The following IL12RB1 variants were observed in gnomAD, a reference collection of about 807,000 sequenced individuals.
IL12RB1 encodes the protein interleukin-12 receptor subunit beta-1.
A neutral mutation model predicts 94.4 loss-of-function variants in IL12RB1; 64 were observed. That is an observed-to-expected ratio of 0.68 (90% confidence interval 0.55 to 0.83). IL12RB1 has a LOEUF of 0.83. Among genes scored for constraint, IL12RB1 ranks in the 40% least tolerant of loss-of-function variants. The probability of loss-of-function intolerance (pLI) is 0.00; values close to 1 mark genes in which losing one functional copy is unlikely to be tolerated. For synonymous variants in IL12RB1, 362 were observed against 355.5 expected (o/e 1.02, Z -0.21); for missense variants, 814 against 855.6 (o/e 0.95, Z 0.61).
intron 2 of IL12RB1, 85 bp from the exon 3 acceptor site, chr19:18,082,349 C>T (rs141085654): frequency 8.9e-6 from 7 of 787,540 alleles, no homozygotes; most frequent in Non-Finnish European, 1.6e-5. Flanking sequence ...ATGCTTACAT[C>T]TTTCAGCGTC....
At chr19:18,075,545 G>A (rs1428885791) in intron 7 of IL12RB1, among the ~76,000 whole-genome samples, 1 of 152,080 alleles carries the variant, frequency 6.6e-6, no homozygotes, top group Non-Finnish European at 1.5e-5. Flanking sequence ...ACAGGCATCA[G>A]CCACCACGCC....
Position 18,069,697 on chromosome 19 carries a change from A to T in IL12RB1, c.1038T>A (p.Asn346Lys), listed in dbSNP as rs375939832. The T allele has an allele frequency of 6.2e-7, 1 of 1,611,960 alleles. No homozygotes were observed. The highest frequency in any genetic ancestry group is 8.5e-7 in the Non-Finnish European group (1 of 1,178,624). ...TGGTCCCGTTGGTTCCGACGCTGATATTCAGAGCCACTGGTTCTGGAAGGA... is the reference window on the plus strand; with the variant it reads ...TGGTCCCGTTGGTTCCGACGCTGATTTTCAGAGCCACTGGTTCTGGAAGGA... The part of the protein sequence containing the change: ...ADTHTEPVAL[N>K]ISVGTNGTTM... Residue 346 changes from asparagine to lysine, a missense_variant, in exon 10 of 17, where the codon AAT (asparagine) becomes AAA (lysine). Transcript: ENST00000593993.
chr19:18,071,870 G>A (rs2035076327), intron 9 of IL12RB1, among the ~76,000 whole-genome samples: 1 of 152,124 alleles, frequency 6.6e-6, no homozygotes, highest in Non-Finnish European at 1.5e-5. Context: ...TCACCACGTT[G>A]GCCAGACTGG....
Position 18,075,496 on chromosome 19 carries a change from A to G in IL12RB1, c.700+253T>C, listed in dbSNP as rs2035403303. On this transcript the variant is annotated intron_variant, in intron 7 of 16. Transcript: ENST00000593993. ...GGCTGGTCTCGAACTCCTGACCTCA[A>G]GTGATCTGCCCGCCTCAGCCTCCCA... Among the ~76,000 whole-genome samples, 4 of 152,092 alleles carry G rather than the reference A, an allele frequency of 2.6e-5. No individual in the cohort carries two copies. The Middle Eastern group carries it at 0.01, about 391-fold the overall frequency.
At chr19:18,087,644 G>A (rs1198694327), upstream of IL12RB1, among the ~76,000 whole-genome samples, 1 of 150,792 alleles carries the variant, frequency 6.6e-6, no homozygotes, top group Non-Finnish European at 1.5e-5. Context: ...GCCTCCCCAG[G>A]AACTGGGACT....
intron 13 of IL12RB1, among the ~76,000 whole-genome samples, chr19:18,062,803 G>A (rs911655002): frequency 1.3e-5 from 2 of 151,938 alleles, no homozygotes; most frequent in African/African-American, 2.4e-5. Flanking sequence ...TGTAATTCCA[G>A]GAGCCTGCAC....
At chr19:18,083,137 C>T (rs1188777051) in intron 2 of IL12RB1, 2 of 536,484 alleles carry the variant, frequency 3.7e-6, no homozygotes, top group Non-Finnish European at 6.7e-6. Context: ...GGGGGGGGGG[C>T]TTCAAAATGC....
At chr19:18,087,500 G>A (rs1020676567), upstream of IL12RB1, among the ~76,000 whole-genome samples, 7 of 151,716 alleles carry the variant, frequency 4.6e-5, no homozygotes, top group African/African-American at 1.2e-4. Flanking sequence ...GTGAGCTACC[G>A]TGCCTGGCTG....
At chr19:18,087,329 C>A (rs1416307249), upstream of IL12RB1, among the ~76,000 whole-genome samples, 1 of 151,882 alleles carries the variant, frequency 6.6e-6, no homozygotes, top group Non-Finnish European at 1.5e-5. Flanking sequence ...CCTGCCTCAG[C>A]CTCCCGAGTA....
Position 18,060,060 on chromosome 19 carries a change from T to C in IL12RB1, c.1817A>G (p.Asp606Gly), listed in dbSNP as rs1184052648. 2.5e-6 allele frequency: 4 copies of C among 1,604,402 alleles called. No homozygotes were observed. The highest frequency in any genetic ancestry group is 3.4e-6 in the Non-Finnish European group (4 of 1,172,672). Residue 606 changes from aspartate (D) to glycine (G), a missense_variant, in exon 16 of 17, where the codon GAC (aspartate) becomes GGC (glycine). Transcript: ENST00000593993. ...KETWQWINPVDFQEEASLQEA... is the reference protein window; with the variant it reads ...KETWQWINPVGFQEEASLQEA... The stretch of plus-strand genomic sequence containing the variant: ...CTGCAGGGATGCCTCTTCCTGGAAG[T>C]CCACTGGGTTGATCCACTGCCAAGT...
intron 9 of IL12RB1, among the ~76,000 whole-genome samples, chr19:18,070,210 G>A (rs768302277): frequency 6.6e-6 from 1 of 152,208 alleles, no homozygotes; most frequent in Non-Finnish European, 1.5e-5. Flanking sequence ...ATAATCCGCC[G>A]CATCCAGTCA....
rs573381875 is a variant in IL12RB1 at position 18,075,624 on chromosome 19, T to C, written c.700+125A>G. On this transcript the variant is annotated intron_variant, in intron 7 of 16. Transcript: ENST00000593993. ...GTTGCCCGGGCTGGTCTCAAACCACTGGCCTCAAGTGATCCTCCCGCCTCA... is the reference window on the plus strand; with the variant it reads ...GTTGCCCGGGCTGGTCTCAAACCACCGGCCTCAAGTGATCCTCCCGCCTCA... 76 of 845,302 alleles carry C rather than the reference T, an allele frequency of 9.0e-5. No homozygotes were observed. In the African/African-American group the frequency reaches 1.2e-3, roughly 13 times the overall value. The allele number at this position is 845,302 out of a possible 1,614,324, so 52.4% of individuals were successfully genotyped here.
intron 12 of IL12RB1, 81 bp from the exon 13 acceptor site, chr19:18,064,091 G>A (rs1382742114): frequency 5.4e-6 from 5 of 933,586 alleles, no homozygotes; most frequent in African/African-American, 4.9e-5. Flanking sequence ...GCCTGTGGGT[G>A]GGGTGGGGAT....
chr19:18,081,868 ATGGATG>A (rs2035930550), intron 3 of IL12RB1, among the ~76,000 whole-genome samples: 2 of 151,852 alleles, frequency 1.3e-5, no homozygotes, highest in Admixed American at 6.6e-5. Flanking sequence ...GGATGGATGG[ATGGATG>A]GATGGATGGA....
At chr19:18,079,631 T>C (rs1028086420) in intron 4 of IL12RB1, among the ~76,000 whole-genome samples, 1 of 151,600 alleles carries the variant, frequency 6.6e-6, no homozygotes, top group African/African-American at 2.4e-5. Flanking sequence ...GTAAGTGGGA[T>C]GGGCGCGGTG....
intron 1 of IL12RB1, among the ~76,000 whole-genome samples, chr19:18,086,119 G>A (rs1251487950): frequency 6.6e-6 from 1 of 151,806 alleles, no homozygotes; most frequent in Non-Finnish European, 1.5e-5. Flanking sequence ...GCTACTCAAG[G>A]GGCTAAGGCA....
In IL12RB1 at chr19:18,060,065, T is replaced by C; in HGVS notation, c.1812A>G (p.Pro604=). The part of the protein sequence containing the change: ...GGKETWQWIN[P]VDFQEEASLQ... The stretch of plus-strand genomic sequence containing the variant: ...GGGATGCCTCTTCCTGGAAGTCCAC[T>C]GGGTTGATCCACTGCCAAGTCTGCA... Residue 604 remains proline (P), a synonymous_variant, in exon 16 of 17, where the codon CCA becomes CCG. Transcript: ENST00000593993. 6.2e-7 allele frequency: 1 copy of C among 1,602,796 alleles called. No homozygotes were observed.
Position 18,059,614 on chromosome 19 carries a change from C to T in IL12RB1, c.1984-1G>A, listed in dbSNP as rs933645266. 1 of 780,628 alleles carries T rather than the reference C, an allele frequency of 1.3e-6. No homozygotes were observed. The highest frequency in any genetic ancestry group is 2.4e-6 in the Non-Finnish European group (1 of 417,872). 48.4% of individuals were successfully genotyped at this position (780,628 alleles called of 1,614,324 possible). A position where few individuals can be genotyped will look rare whatever the true frequency, so the allele number is the denominator to read the frequency against. On this transcript the variant is annotated splice_acceptor_variant, in intron 16 of 16. Coordinates refer to ENST00000593993, the MANE Select transcript of IL12RB1 (RefSeq NM_005535.3). LOFTEE classifies it high-confidence loss of function. ...CCTCTCTGAGCCTCAACGATCACATCTGTAAAGTACAACAGTCATGGTTCC... is the reference window on the plus strand; with the variant it reads ...CCTCTCTGAGCCTCAACGATCACATTTGTAAAGTACAACAGTCATGGTTCC...
chr19:18,066,739 G>A (rs377572532), intron 11 of IL12RB1, 42 bp from the exon 12 acceptor site: 60 of 1,574,118 alleles, frequency 3.8e-5, no homozygotes, highest in Non-Finnish European at 5.1e-5. Flanking sequence ...CAAGAATGCT[G>A]GTCGAGGCCT....
Sources: allele counts gnomAD v4.1 joint callset (sites outside exome capture counted in the v4.1 genomes callset), GRCh38; gene constraint gnomAD v4.1.1; transcripts MANE v1.5; gene names NCBI Gene and HGNC (gene_info 2026-07-23, HGNC 2026-07-21).